TSC1: variants seen among roughly 807,000 people sequenced by gnomAD.
The protein encoded by TSC1 is TSC complex subunit 1.
Under a neutral mutation model 124.3 loss-of-function variants are expected in TSC1, and 20 were observed. The ratio of observed to expected loss-of-function variants is 0.16; its 90% CI spans 0.11 to 0.23. TSC1 has a LOEUF of 0.23. Ranked by LOEUF, TSC1 falls within the 10% of genes least tolerant of loss-of-function variation. The pLI is 1.00. For missense variants in TSC1, 1,124 were observed against 1,448.5 expected (o/e 0.78, Z 3.64); for synonymous variants, 493 against 539.1 (o/e 0.91, Z 1.19).
chr9:132,905,774 G>A lies in TSC1; in HGVS notation c.1804C>T (p.Pro602Ser), dbSNP rs1588309106. ...TRVGFGSGQP[P>S]PYDHLFEVAL... ...ACCTCAAAAAGATGATCATACGGGGGAGGCTGCCCGCTTCCAAAGCCCACT... is the reference window on the plus strand; with the variant it reads ...ACCTCAAAAAGATGATCATACGGGGAAGGCTGCCCGCTTCCAAAGCCCACT... The change falls in exon 15 of 23, where the codon CCC becomes TCC. Residue 602 changes from proline (P) to serine (S), a missense_variant. Pro to Ser is a moderately conservative substitution (Grantham distance 74). Around this residue, in one of 5 missense-constraint regions of TSC1, gnomAD observed 321 missense variants for 397.4 expected, o/e 0.81. Coordinates refer to ENST00000298552, the MANE Select transcript of TSC1 (RefSeq NM_000368.5). 2.5e-6 allele frequency: 4 copies of A among 1,614,234 alleles called. No individual in the cohort carries two copies. Among genetic ancestry groups the A allele is most frequent in the African/African-American group, 2.7e-5 (2 of 75,060 alleles).
rs1290663446 is a variant in TSC1, at chr9:132,896,271, G to A, written c.3459C>T (p.Ile1153=). ...PTPDSVGQLH[I]MDYNETHHEH... The stretch of plus-strand genomic sequence containing the variant: ...CATGATGAGTCTCATTGTAGTCCAT[G>A]ATATGTAGCTGTCCAACACTGTCCG... Residue 1153 remains isoleucine (I), a synonymous_variant, in exon 23 of 23, where the codon ATC becomes ATT. Coordinates refer to ENST00000298552, the MANE Select transcript of TSC1 (RefSeq NM_000368.5). The surrounding 1 kb of genome is among the most constrained non-coding windows in gnomAD (Gnocchi z 4.5). 6.2e-7 allele frequency: 1 copy of A among 1,614,226 alleles called. No homozygotes were observed. Among genetic ancestry groups the A allele is most frequent in the Non-Finnish European group, 8.5e-7 (1 of 1,180,046 alleles).
At chr9:132,940,846 T>A (rs1243555033) in intron 1 of TSC1, 2 of 152,236 alleles carry the variant, frequency 1.3e-5, no homozygotes, top group East Asian at 3.8e-4. Flanking sequence ...TTTGAAACAT[T>A]GATACAACCA....
chr9:132,933,522 G>A (rs574984755), intron 2 of TSC1, among the ~76,000 whole-genome samples: 1 of 152,274 alleles, frequency 6.6e-6, no homozygotes, highest in East Asian at 1.9e-4. Context: ...GGATCTTTGA[G>A]GCTTGCCAAG....
chr9:132,925,751 A>G lies in TSC1; in HGVS notation c.211-12T>C, dbSNP rs973481600. ...CTGTCCAAGAGGTGCTGAAAATGTA[A>G]AAGAACAAGGGCAGTCCTCACATGA... On this transcript the variant is annotated splice_polypyrimidine_tract_variant and intron_variant, in intron 4 of 22. Coordinates refer to ENST00000298552, the MANE Select transcript of TSC1 (RefSeq NM_000368.5). The G allele has an allele frequency of 1.2e-6, 2 of 1,614,208 alleles. No homozygotes were observed. Among genetic ancestry groups the G allele is most frequent in the Non-Finnish European group, 1.7e-6 (2 of 1,180,016 alleles).
chr9:132,928,933 T>G lies in TSC1; in HGVS notation c.-61A>C, dbSNP rs1847046969. 1 of 1,609,346 alleles carries G rather than the reference T, an allele frequency of 6.2e-7. No homozygotes were observed. The highest frequency in any genetic ancestry group is 1.3e-5 in the African/African-American group (1 of 74,834). On this transcript the variant is annotated 5_prime_UTR_variant, in exon 3 of 23. Coordinates refer to ENST00000298552, the MANE Select transcript of TSC1 (RefSeq NM_000368.5). ...GTGTGCTACAGGTTCTGAAGGTTCT[T>G]CATTGGGGCCACTACCAAACTGAGA...
rs371895468 is a variant in TSC1, at chr9:132,927,592, A to T, written c.107-288T>A. Among the ~76,000 whole-genome samples, 791 of 131,978 alleles carry T rather than the reference A, an allele frequency of 6.0e-3. 3 individuals carry two copies. Among genetic ancestry groups the T allele is most frequent in the Non-Finnish European group, 8.4e-3 (551 of 65,640 alleles). The allele number at this position is 131,978 out of a possible 152,430, so 86.6% of individuals were successfully genotyped here. The stretch of plus-strand genomic sequence containing the variant: ...GGCTGGAGTGCAGTGGCACAATCTC[A>T]GCTCACTGCAACCTCTGCCTCCTGG... On this transcript the variant is annotated intron_variant, in intron 3 of 22. Coordinates refer to ENST00000298552, the MANE Select transcript of TSC1 (RefSeq NM_000368.5).
At chr9:132,927,408 G>A (rs1846936949) in intron 3 of TSC1, 104 bp from the exon 4 acceptor site, 2 of 1,036,842 alleles carry the variant, frequency 1.9e-6, no homozygotes, top group Non-Finnish European at 1.5e-6. Context: ...TTCTTTATAT[G>A]CTATTCTAAG....
rs1844987228 is a variant in TSC1 at position 132,895,533 on chromosome 9, A to G, written c.*702T>C. 1 of 233,824 alleles carries G rather than the reference A, an allele frequency of 4.3e-6. No individual in the cohort carries two copies. Among genetic ancestry groups the G allele is most frequent in the African/African-American group, 2.2e-5 (1 of 45,374 alleles). 14.5% of individuals were successfully genotyped at this position (233,824 alleles called of 1,614,324 possible). ...AGAGGTAGTGGGGGAAGAAGAGACA[A>G]GAGCTTTCCCAAAGGGTGTGTGGTC... On this transcript the variant is annotated 3_prime_UTR_variant, in exon 23 of 23. Transcript: ENST00000298552.
intron 4 of TSC1, chr9:132,925,952 C>G: frequency 1.6e-6 from 1 of 618,378 alleles, no homozygotes; most frequent in South Asian, 2.0e-5. Context: ...CAGTTTGCAG[C>G]TCATGAAAAA....
rs1336430316 is a variant in TSC1 at position 132,896,181 on chromosome 9, A to G, written c.*54T>C. The G allele has an allele frequency of 1.2e-6, 2 of 1,612,034 alleles. No homozygotes were observed. The highest frequency in any genetic ancestry group is 1.3e-5 in the African/African-American group (1 of 74,984). On this transcript the variant is annotated 3_prime_UTR_variant, in exon 23 of 23. Transcript: ENST00000298552. The surrounding 1 kb of genome is among the most constrained non-coding windows in gnomAD (Gnocchi z 4.5). ...GGAAAGCTTTGAAACGTGCATTCACACCTCCTGTTCTGTGCCAACAATATG... is the reference window on the plus strand; with the variant it reads ...GGAAAGCTTTGAAACGTGCATTCACGCCTCCTGTTCTGTGCCAACAATATG...
chr9:132,900,925 C>T (rs1845342379), intron 19 of TSC1, 88 bp from the exon 20 acceptor site: 2 of 1,591,972 alleles, frequency 1.3e-6, no homozygotes, highest in Non-Finnish European at 1.7e-6. Flanking sequence ...GCTAGGAGCA[C>T]ACTATTTCAA....
At chr9:132,942,220 T>C (rs1046255978) in intron 1 of TSC1, 5 of 152,194 alleles carry the variant, frequency 3.3e-5, no homozygotes, top group Non-Finnish European at 7.3e-5. Context: ...AATACCTCTG[T>C]GATAAATAAT....
intron 16 of TSC1, 98 bp downstream of exon 16, chr9:132,904,313 G>A: frequency 7.5e-7 from 1 of 1,327,812 alleles, no homozygotes; most frequent in Non-Finnish European, 1.1e-6. Context: ...GCCAAGGGGA[G>A]ATCTGTTTCC....
Position 132,911,589 on chromosome 9 carries a change from A to G in TSC1, c.914-21T>C, listed in dbSNP as rs7026879. On this transcript the variant is annotated intron_variant, in intron 9 of 22. Transcript: ENST00000298552. ...ACACCCTAAAATGGAAGAGAAGAAC[A>G]CAGGGGGTTAGTGTGTGGTTTTAGG... 4 of 1,175,176 alleles carry G rather than the reference A, an allele frequency of 3.4e-6. No homozygotes were observed. The Admixed American group carries it at 7.0e-5, about 20-fold the overall frequency. The allele number at this position is 1,175,176 out of a possible 1,614,324, so 72.8% of individuals were successfully genotyped here. A position where few individuals can be genotyped will look rare whatever the true frequency, so the allele number is the denominator to read the frequency against.
intron 8 of TSC1, among the ~76,000 whole-genome samples, chr9:132,918,634 C>G (rs750262384): frequency 5.3e-5 from 8 of 152,160 alleles, no homozygotes; most frequent in Non-Finnish European, 1.2e-4. Flanking sequence ...GACCACCAAC[C>G]CTTCCTCACC....
chr9:132,903,436 C>T lies in TSC1; in HGVS notation c.2208+215G>A, dbSNP rs906751816. 1.3e-5 allele frequency among the ~76,000 whole-genome samples: 2 copies of T among 152,176 alleles called. No individual in the cohort carries two copies. Among genetic ancestry groups the T allele is most frequent in the African/African-American group, 4.8e-5 (2 of 41,436 alleles). On this transcript the variant is annotated intron_variant, in intron 17 of 22. Transcript: ENST00000298552. This position sits in a 1 kb window ranked among gnomAD's most constrained non-coding sequence, Gnocchi z 5.9. Reference sequence around the variant, plus strand: ...ATCATCATGGCCAGTTACATGCAAACATACACACACAAAATCACTTGTCCC... The same window carrying T: ...ATCATCATGGCCAGTTACATGCAAATATACACACACAAAATCACTTGTCCC...
In TSC1 at chr9:132,897,325, T is replaced by A. The variant is rs779185959; in HGVS notation, c.2834A>T (p.Glu945Val). The part of the protein sequence containing the change: ...LQARGQLQAA[E>V]SRYEAQKRIT... ...CCTTTTCTGAGCCTCATACCTGCTCTCTGCGGCCTGCAGCTGTCCTCTGAA... is the reference window on the plus strand; with the variant it reads ...CCTTTTCTGAGCCTCATACCTGCTCACTGCGGCCTGCAGCTGTCCTCTGAA... The change falls in exon 22 of 23, where the codon GAG becomes GTG. Residue 945 changes from glutamate (E) to valine (V), a missense_variant. By Grantham distance (121) the Glu-to-Val change is moderately radical. Transcript: ENST00000298552. The A allele has an allele frequency of 6.2e-7, 1 of 1,614,240 alleles. No homozygotes were observed. Among genetic ancestry groups the A allele is most frequent in the Non-Finnish European group, 8.5e-7 (1 of 1,180,048 alleles).
chr9:132,944,737 C>A, upstream of TSC1: 1 of 397,728 alleles, frequency 2.5e-6, no homozygotes, highest in South Asian at 1.3e-4. Flanking sequence ...TCGGCAGCCC[C>A]GCCGGAAGGA....
chr9:132,944,192 G>T lies in TSC1; in HGVS notation c.-144+351C>A, dbSNP rs538729508. The T allele has an allele frequency of 2.2e-3, 378 of 170,576 alleles. 2 individuals are homozygous for T. Among genetic ancestry groups the T allele is most frequent in the African/African-American group, 8.5e-3 (357 of 42,154 alleles). 10.6% of individuals were successfully genotyped at this position (170,576 alleles called of 1,614,324 possible). A position where few individuals can be genotyped will look rare whatever the true frequency, so the allele number is the denominator to read the frequency against. On this transcript the variant is annotated intron_variant, in intron 1 of 22. Coordinates refer to ENST00000298552, the MANE Select transcript of TSC1 (RefSeq NM_000368.5). ...CTCTACCCTGCCCTCCGCACCTAGC[G>T]TGAACCTGTCACCCCACCAAGTGAG...
Sources: gnomAD v4.1 joint callset for allele counts (sites outside exome capture counted in the v4.1 genomes callset) on GRCh38, gnomAD v4.1.1 for gene constraint, gnomAD v4.1.1 regional missense constraint, Gnocchi (gnomAD v3.1) non-coding constraint, MANE v1.5 for transcripts, NCBI Gene and HGNC (gene_info 2026-07-23, HGNC 2026-07-21) for gene names.